The following GPC6 variants were observed in gnomAD, a reference collection of about 807,000 sequenced individuals.
GPC6 encodes glypican-6.
GPC6 carries 14 observed loss-of-function variants against 55.2 expected under a neutral mutation model. That is an observed-to-expected ratio of 0.25 (90% CI 0.17 to 0.40). The LOEUF (loss-of-function observed/expected upper bound fraction) is 0.40, where lower values mean the gene tolerates loss of function less well. Among genes scored for constraint, GPC6 ranks in the 10% least tolerant of loss-of-function variants. The probability of loss-of-function intolerance (pLI) is 1.00; values close to 1 mark genes in which losing one functional copy is unlikely to be tolerated. For synonymous variants in GPC6, 278 were observed against 259.6 expected (o/e 1.07, Z -0.68); for missense variants, 641 against 708.5 (o/e 0.90, Z 1.08).
chr13:93,496,411 C>T (rs1319193201), intron 1 of GPC6, among the ~76,000 whole-genome samples: 4 of 152,206 alleles, frequency 2.6e-5, no homozygotes, highest in African/African-American at 7.2e-5. Context: ...CGCCCACTGT[C>T]TGGCACTCCC....
At chr13:94,045,770 C>T (rs1883710770) in intron 4 of GPC6, among the ~76,000 whole-genome samples, 1 of 150,892 alleles carries the variant, frequency 6.6e-6, no homozygotes, top group Non-Finnish European at 1.5e-5. Flanking sequence ...AATGCCCTAC[C>T]ATGACACACA....
At chr13:93,742,240 A>G (rs563843931) in intron 2 of GPC6, among the ~76,000 whole-genome samples, 125 of 152,222 alleles carry the variant, frequency 8.2e-4, no homozygotes, top group Non-Finnish European at 1.4e-3. Flanking sequence ...TTCCATGTAA[A>G]GTGTGCCAAA....
chr13:94,065,603 G>T (rs1884490609), intron 4 of GPC6, among the ~76,000 whole-genome samples: 1 of 152,134 alleles, frequency 6.6e-6, no homozygotes, highest in Non-Finnish European at 1.5e-5. Context: ...TAACATTCAT[G>T]TACAGAATAT....
rs61556173 is a variant in GPC6 at position 93,272,492 on chromosome 13, G to GTATATATATATATATA, written c.160+44889_160+44904dup. 4.1e-3 allele frequency among the ~76,000 whole-genome samples: 555 copies of GTATATATATATATATA among 137,036 alleles called. 5 individuals are homozygous for GTATATATATATATATA. Among genetic ancestry groups the GTATATATATATATATA allele is most frequent in the African/African-American group, 0.014 (513 of 37,322 alleles). 89.9% of individuals were successfully genotyped at this position (137,036 alleles called of 152,430 possible). ...GAATGAGGTGATTCATTGTCTGTGT[G>GTATATATATATATATA]TATATATATATATATATATATATAT... On this transcript the variant is annotated intron_variant, in intron 1 of 8. Coordinates refer to ENST00000377047, the MANE Select transcript of GPC6 (RefSeq NM_005708.5).
chr13:93,975,418 C>T (rs572404115), intron 3 of GPC6, among the ~76,000 whole-genome samples: 17 of 152,026 alleles, frequency 1.1e-4, no homozygotes, highest in Admixed American at 3.3e-4. Flanking sequence ...GGAGCATTTC[C>T]GTACTTTCTT....
At chr13:93,895,244 A>G (rs879438410) in intron 3 of GPC6, among the ~76,000 whole-genome samples, 5,113 of 55,008 alleles carry the variant, frequency 0.093, 530 homozygotes, top group East Asian at 0.29. Flanking sequence ...GTATATATAT[A>G]TATATATATA....
At chr13:93,920,004 C>G (rs1877488593) in intron 3 of GPC6, among the ~76,000 whole-genome samples, 1 of 152,148 alleles carries the variant, frequency 6.6e-6, no homozygotes, top group South Asian at 2.1e-4. Flanking sequence ...TCATCTCTCT[C>G]TACAGATTTT....
chr13:94,028,252 G>A (rs1180592735), intron 4 of GPC6, among the ~76,000 whole-genome samples: 4 of 151,756 alleles, frequency 2.6e-5, no homozygotes, highest in African/African-American at 9.7e-5. Context: ...GTGACAGAGT[G>A]GGACCCTGTC....
intron 4 of GPC6, among the ~76,000 whole-genome samples, chr13:94,121,325 C>T (rs1886622171): frequency 6.6e-6 from 1 of 152,120 alleles, no homozygotes. Flanking sequence ...ACAAAACCCA[C>T]AGATTAATTC....
intron 2 of GPC6, among the ~76,000 whole-genome samples, chr13:93,556,396 A>G (rs190494527): frequency 3.1e-4 from 25 of 79,516 alleles, no homozygotes; most frequent in African/African-American, 4.4e-4. Context: ...GTGTGTGTGT[A>G]TGTATGTATA....
At chr13:93,757,254 G>A (rs189437270) in intron 2 of GPC6, among the ~76,000 whole-genome samples, 1 of 152,134 alleles carries the variant, frequency 6.6e-6, no homozygotes, top group Non-Finnish European at 1.5e-5. Context: ...AGACGTCAGA[G>A]TTCCAGAGTC....
intron 3 of GPC6, among the ~76,000 whole-genome samples, chr13:93,995,227 G>A (rs780150928): frequency 1.6e-4 from 24 of 149,726 alleles, no homozygotes; most frequent in Admixed American, 5.3e-4. Flanking sequence ...TCGCTGTGTC[G>A]CCCAGGCTGG....
intron 1 of GPC6, among the ~76,000 whole-genome samples, chr13:93,270,685 A>AT: frequency 7.0e-6 from 1 of 143,024 alleles, no homozygotes; most frequent in Non-Finnish European, 1.5e-5. Flanking sequence ...GCATTTTCAC[A>AT]TTTTCCTTCT....
At chr13:93,726,551 A>G (rs1042157077) in intron 2 of GPC6, among the ~76,000 whole-genome samples, 7 of 152,050 alleles carry the variant, frequency 4.6e-5, no homozygotes, top group African/African-American at 1.7e-4. Context: ...AACCCTTCTA[A>G]GGTCAGATGT....
At chr13:94,377,954 C>T (rs959735771) in intron 6 of GPC6, among the ~76,000 whole-genome samples, 5 of 152,074 alleles carry the variant, frequency 3.3e-5, no homozygotes, top group Non-Finnish European at 5.9e-5. Context: ...GAACAAAAAA[C>T]CAAACACCGC....
intron 1 of GPC6, among the ~76,000 whole-genome samples, chr13:93,433,934 T>G (rs541386412): frequency 6.6e-6 from 1 of 152,210 alleles, no homozygotes; most frequent in Non-Finnish European, 1.5e-5. Context: ...ACGCTATGTA[T>G]AGATGACAGA....
intron 6 of GPC6, among the ~76,000 whole-genome samples, chr13:94,364,984 T>G (rs9556365): frequency 0.21 from 32,514 of 152,166 alleles, 3,911 homozygotes; most frequent in East Asian, 0.29. Context: ...TGCCGATTGT[T>G]CATTTATTCA....
At chr13:93,394,674 A>G (rs1014217882) in intron 1 of GPC6, among the ~76,000 whole-genome samples, 2 of 152,244 alleles carry the variant, frequency 1.3e-5, no homozygotes, top group African/African-American at 4.8e-5. Context: ...ACCAAGTTAT[A>G]GGTAGAAAAG....
intron 1 of GPC6, among the ~76,000 whole-genome samples, chr13:93,503,535 G>C (rs1050173705): frequency 6.6e-6 from 1 of 152,200 alleles, no homozygotes; most frequent in Non-Finnish European, 1.5e-5. Flanking sequence ...CTCTAGGTCA[G>C]TGTTTGCTGA....
Sources: gnomAD v4.1 joint callset for allele counts (sites outside exome capture counted in the v4.1 genomes callset) on GRCh38, gnomAD v4.1.1 for gene constraint, MANE v1.5 for transcripts, NCBI Gene and HGNC (gene_info 2026-07-23, HGNC 2026-07-21) for gene names.